The following HS6ST3 variants were observed in gnomAD, a reference collection of about 807,000 sequenced individuals.
HS6ST3 encodes heparan sulfate 6-O-sulfotransferase 3, also known as heparan-sulfate 6-O-sulfotransferase 3.
Under a neutral mutation model 36.7 loss-of-function variants are expected in HS6ST3, and 12 were observed. The observed-to-expected ratio is 0.33, with a 90% CI of 0.21 to 0.53. HS6ST3 has a LOEUF of 0.53. HS6ST3 is among the 20% of genes least tolerant of loss of function. The pLI is 0.95. For missense variants in HS6ST3, 584 were observed against 640.9 expected, an observed-to-expected ratio of 0.91 and a Z score of 0.96; for synonymous variants, 240 against 257.5, an observed-to-expected ratio of 0.93 and a Z score of 0.65.
chr13:96,175,532 TG>T (rs1477172050), intron 1 of HS6ST3, among the ~76,000 whole-genome samples: 4 of 152,078 alleles, frequency 2.6e-5, no homozygotes, highest in Admixed American at 6.6e-5. Flanking sequence ...GCCTTTTTTT[TG>T]TTCTTTTTTT....
intron 1 of HS6ST3, among the ~76,000 whole-genome samples, chr13:96,681,088 C>T (rs1322505606): frequency 1.3e-5 from 2 of 152,256 alleles, no homozygotes; most frequent in African/African-American, 2.4e-5. Flanking sequence ...TAGTTGAAAT[C>T]GTGGACTGTG....
chr13:96,470,687 G>T (rs1220962148), intron 1 of HS6ST3, among the ~76,000 whole-genome samples: 1 of 152,140 alleles, frequency 6.6e-6, no homozygotes, highest in Non-Finnish European at 1.5e-5. Context: ...TCAACCCACT[G>T]CACTCTTGCC....
intron 1 of HS6ST3, among the ~76,000 whole-genome samples, chr13:96,467,632 T>A (rs1410342): frequency 0.82 from 125,116 of 151,698 alleles, 53,351 homozygotes; most frequent in Non-Finnish European, 0.95. Flanking sequence ...CTAATAATAA[T>A]TAATAATAAG....
chr13:96,800,560 TAA>T (rs1878041717), intron 1 of HS6ST3, among the ~76,000 whole-genome samples: 2 of 152,114 alleles, frequency 1.3e-5, no homozygotes, highest in Non-Finnish European at 2.9e-5. Context: ...AAAAAATATA[TAA>T]GACTTTTCCA....
intron 1 of HS6ST3, among the ~76,000 whole-genome samples, chr13:96,253,245 C>A (rs1436901693): frequency 6.6e-6 from 1 of 152,082 alleles, no homozygotes; most frequent in East Asian, 1.9e-4. Flanking sequence ...TCCCCTACCC[C>A]TTGCTCCTAG....
chr13:96,227,320 A>C (rs1357009771), intron 1 of HS6ST3, among the ~76,000 whole-genome samples: 1 of 152,222 alleles, frequency 6.6e-6, no homozygotes, highest in African/African-American at 2.4e-5. Flanking sequence ...ATTTTGATAA[A>C]TGGTCCTAAT....
At chr13:96,397,001 C>T (rs1566348876) in intron 1 of HS6ST3, among the ~76,000 whole-genome samples, 2 of 152,050 alleles carry the variant, frequency 1.3e-5, no homozygotes, top group African/African-American at 2.4e-5. Context: ...GTCAGGAGTT[C>T]GAGATCAGCC....
chr13:96,653,785 C>T (rs758517146), intron 1 of HS6ST3, among the ~76,000 whole-genome samples: 6 of 152,330 alleles, frequency 3.9e-5, no homozygotes, highest in Non-Finnish European at 5.9e-5. Context: ...AATCGCCACA[C>T]TGTCTACCAC....
chr13:96,318,304 G>A (rs1045149700), intron 1 of HS6ST3, among the ~76,000 whole-genome samples: 1 of 152,162 alleles, frequency 6.6e-6, no homozygotes, highest in African/African-American at 2.4e-5. Context: ...GGCTGAGGCA[G>A]GTGGATCACC....
chr13:96,260,062 A>G lies in HS6ST3; in HGVS notation c.707+168493A>G, dbSNP rs1194645990. ...AGTCAATAATCAGAGCCTTCTATGTATCTTCTTTTGTTGCTACTGTCAAAA... is the reference window on the plus strand; with the variant it reads ...AGTCAATAATCAGAGCCTTCTATGTGTCTTCTTTTGTTGCTACTGTCAAAA... On this transcript the variant is annotated intron_variant, in intron 1 of 1. Transcript: ENST00000376705. Among the ~76,000 whole-genome samples, 6 of 152,192 alleles carry G rather than the reference A, an allele frequency of 3.9e-5. No individual in the cohort carries two copies. In the East Asian group the frequency reaches 1.2e-3, roughly 29 times the overall value.
chr13:96,447,344 C>G (rs970534320), intron 1 of HS6ST3, among the ~76,000 whole-genome samples: 2 of 152,160 alleles, frequency 1.3e-5, no homozygotes, highest in African/African-American at 2.4e-5. Flanking sequence ...TTGTGTACCC[C>G]TCTCTCCAGA....
At chr13:96,145,835 G>A (rs1460838107) in intron 1 of HS6ST3, among the ~76,000 whole-genome samples, 1 of 152,132 alleles carries the variant, frequency 6.6e-6, no homozygotes, top group Non-Finnish European at 1.5e-5. Flanking sequence ...TATGTATAAG[G>A]TGTAAGGAAG....
intron 1 of HS6ST3, among the ~76,000 whole-genome samples, chr13:96,255,211 C>T (rs2054630868): frequency 6.6e-6 from 1 of 152,164 alleles, no homozygotes; most frequent in Non-Finnish European, 1.5e-5. Flanking sequence ...GGCTGTGGGA[C>T]GTCCCCTATC....
At chr13:96,235,991 A>G (rs1724654765) in intron 1 of HS6ST3, among the ~76,000 whole-genome samples, 2 of 152,192 alleles carry the variant, frequency 1.3e-5, no homozygotes, top group African/African-American at 2.4e-5. Flanking sequence ...GGAAGCCAAC[A>G]GTGCAGCCTT....
At chr13:96,796,144 A>G (rs907487116) in intron 1 of HS6ST3, among the ~76,000 whole-genome samples, 9 of 152,114 alleles carry the variant, frequency 5.9e-5, no homozygotes, top group African/African-American at 1.9e-4. Context: ...TGCAGCATTT[A>G]TGCAGGCTTT....
chr13:96,240,036 T>C (rs1198309562), intron 1 of HS6ST3, among the ~76,000 whole-genome samples: 2 of 152,306 alleles, frequency 1.3e-5, no homozygotes, highest in Non-Finnish European at 2.9e-5. Flanking sequence ...CAAGTGATAA[T>C]GGAGAGTTGT....
intron 1 of HS6ST3, among the ~76,000 whole-genome samples, chr13:96,467,236 T>C (rs771608618): frequency 5.9e-5 from 9 of 152,182 alleles, no homozygotes. Flanking sequence ...TCTATTTGCC[T>C]ATTCTATGGG....
intron 1 of HS6ST3, among the ~76,000 whole-genome samples, chr13:96,479,084 TGGCAGAGG>T (rs1445494642): frequency 2.6e-5 from 4 of 152,310 alleles, no homozygotes; most frequent in Admixed American, 2.0e-4. Context: ...GGAGCTCTCC[TGGCAGAGG>T]AGTGTCAAGG....
intron 1 of HS6ST3, among the ~76,000 whole-genome samples, chr13:96,484,988 C>T (rs932886772): frequency 6.6e-6 from 1 of 152,134 alleles, no homozygotes; most frequent in Non-Finnish European, 1.5e-5. Context: ...TCCATGTCCT[C>T]ACCAGCAGGT....
Sources: gnomAD v4.1 joint callset for allele counts (sites outside exome capture counted in the v4.1 genomes callset) on GRCh38, gnomAD v4.1.1 for gene constraint, MANE v1.5 for transcripts, NCBI Gene and HGNC (gene_info 2026-07-23, HGNC 2026-07-21) for gene names.